NKAIN2: variants seen among roughly 807,000 people sequenced by gnomAD.
The protein encoded by NKAIN2 is sodium/potassium-transporting ATPase subunit beta-1-interacting protein 2.
NKAIN2 carries 14 observed loss-of-function variants against 32.6 expected under a neutral mutation model. That is an observed-to-expected ratio of 0.43 (90% CI 0.28 to 0.67). NKAIN2 has a LOEUF of 0.67. Among genes scored for constraint, NKAIN2 ranks in the 30% least tolerant of loss-of-function variants. NKAIN2 has a pLI of 0.17. For synonymous variants in NKAIN2, 80 were observed against 87.2 expected, an observed-to-expected ratio of 0.92 and a Z score of 0.46; for missense variants, 198 against 258.3, an observed-to-expected ratio of 0.77 and a Z score of 1.60.
At chr6:123,834,248 G>A (rs1419472699) in intron 1 of NKAIN2, among the ~76,000 whole-genome samples, 3 of 152,050 alleles carry the variant, frequency 2.0e-5, no homozygotes, top group Non-Finnish European at 4.4e-5. Flanking sequence ...TCTGCCTCCC[G>A]GGTTCAAGTG....
At chr6:124,689,965 A>C (rs1212316683) in intron 4 of NKAIN2, among the ~76,000 whole-genome samples, 1 of 152,078 alleles carries the variant, frequency 6.6e-6, no homozygotes, top group Non-Finnish European at 1.5e-5. Flanking sequence ...TAAAGATTTG[A>C]ATCTGTTTGT....
At chr6:123,953,081 C>T (rs887841739) in intron 1 of NKAIN2, among the ~76,000 whole-genome samples, 1 of 152,070 alleles carries the variant, frequency 6.6e-6, no homozygotes, top group African/African-American at 2.4e-5. Flanking sequence ...GGGTAGGGCA[C>T]TTTGGCTTTG....
At chr6:124,141,026 CT>C (rs1455292014) in intron 1 of NKAIN2, among the ~76,000 whole-genome samples, 1 of 152,154 alleles carries the variant, frequency 6.6e-6, no homozygotes, top group Non-Finnish European at 1.5e-5. Flanking sequence ...AAGGACAAAA[CT>C]TGTAATGATT....
chr6:124,622,469 T>C (rs774357363), intron 3 of NKAIN2, among the ~76,000 whole-genome samples: 2 of 152,156 alleles, frequency 1.3e-5, no homozygotes, highest in Non-Finnish European at 2.9e-5. Flanking sequence ...AGCCCCAGTG[T>C]TACAATGCTC....
In NKAIN2 at chr6:124,743,429, G is replaced by A. The variant is rs534737334; in HGVS notation, c.475-47910G>A. 3.3e-3 allele frequency among the ~76,000 whole-genome samples: 458 copies of A among 139,196 alleles called. 4 individuals are homozygous for A. Among genetic ancestry groups the A allele is most frequent in the Non-Finnish European group, 4.9e-3 (302 of 61,198 alleles). The allele number at this position is 139,196 out of a possible 152,430, so 91.3% of individuals were successfully genotyped here. On this transcript the variant is annotated intron_variant, in intron 4 of 6. Transcript: ENST00000368417. The stretch of plus-strand genomic sequence containing the variant: ...TTAGTACTTTAATAATTAATAAATC[G>A]ATCATTATTAACATTTTTAAATCAA...
At chr6:124,379,611 C>G (rs902500132) in intron 3 of NKAIN2, among the ~76,000 whole-genome samples, 5 of 151,980 alleles carry the variant, frequency 3.3e-5, no homozygotes, top group Non-Finnish European at 7.4e-5. Flanking sequence ...TGGAAAAGGT[C>G]TAGAAGTGGA....
intron 1 of NKAIN2, among the ~76,000 whole-genome samples, chr6:124,189,571 G>A (rs947486571): frequency 5.9e-5 from 9 of 152,092 alleles, no homozygotes; most frequent in East Asian, 3.9e-4. Flanking sequence ...GTGGTGGCAC[G>A]CACCTGTAGT....
intron 1 of NKAIN2, among the ~76,000 whole-genome samples, chr6:124,080,429 A>G (rs921640118): frequency 1.3e-5 from 2 of 152,040 alleles, no homozygotes. Flanking sequence ...TGTCAGAGAT[A>G]TTTTTAAAGA....
At chr6:124,266,979 A>G (rs28605219) in intron 1 of NKAIN2, among the ~76,000 whole-genome samples, 15 of 152,326 alleles carry the variant, frequency 9.8e-5, no homozygotes, top group African/African-American at 3.6e-4. Context: ...ACGAAGTCCA[A>G]TCTAGTGATA....
intron 3 of NKAIN2, among the ~76,000 whole-genome samples, chr6:124,556,527 G>A (rs975821571): frequency 6.6e-6 from 1 of 152,078 alleles, no homozygotes; most frequent in Non-Finnish European, 1.5e-5. Flanking sequence ...TTATGTTCTT[G>A]CTTCTCCTTT....
At chr6:124,473,552 G>A (rs369405419) in intron 3 of NKAIN2, among the ~76,000 whole-genome samples, 1 of 151,918 alleles carries the variant, frequency 6.6e-6, no homozygotes, top group South Asian at 2.1e-4. Flanking sequence ...TATCTTACTT[G>A]TTGGCACTTT....
intron 1 of NKAIN2, among the ~76,000 whole-genome samples, chr6:123,824,346 G>T (rs144859680): frequency 2.2e-4 from 34 of 152,058 alleles, no homozygotes; most frequent in African/African-American, 8.0e-4. Flanking sequence ...ATTGTAAAGG[G>T]CAGCAAGCCA....
chr6:124,068,791 C>G (rs555604604), intron 1 of NKAIN2, among the ~76,000 whole-genome samples: 1 of 151,394 alleles, frequency 6.6e-6, no homozygotes, highest in Non-Finnish European at 1.5e-5. Context: ...CGTAACTACA[C>G]CATATGTCTT....
At chr6:124,208,797 A>G (rs942915874) in intron 1 of NKAIN2, among the ~76,000 whole-genome samples, 1 of 151,172 alleles carries the variant, frequency 6.6e-6, no homozygotes, top group Non-Finnish European at 1.5e-5. Flanking sequence ...TTGTTTTTCT[A>G]TGCTTTATTT....
chr6:124,760,315 C>T (rs559647705), intron 4 of NKAIN2, among the ~76,000 whole-genome samples: 1 of 150,838 alleles, frequency 6.6e-6, no homozygotes, highest in Admixed American at 6.6e-5. Context: ...AGGCTTAGTA[C>T]CTGGGTGATG....
At chr6:123,914,378 GGA>G (rs1775385379) in intron 1 of NKAIN2, among the ~76,000 whole-genome samples, 1 of 151,828 alleles carries the variant, frequency 6.6e-6, no homozygotes, top group Admixed American at 6.6e-5. Flanking sequence ...GGAGGGAGAA[GGA>G]GAGAGTGTGC....
chr6:124,497,028 C>G (rs1196363958), intron 3 of NKAIN2, among the ~76,000 whole-genome samples: 1 of 152,052 alleles, frequency 6.6e-6, no homozygotes, highest in Admixed American at 6.6e-5. Flanking sequence ...CGGCCAGAAG[C>G]CCACTAACCA....
intron 1 of NKAIN2, among the ~76,000 whole-genome samples, chr6:123,969,679 A>T (rs1168163658): frequency 6.6e-6 from 1 of 152,210 alleles, no homozygotes; most frequent in Non-Finnish European, 1.5e-5. Context: ...AAAAGCTTCA[A>T]CAGAATCCAC....
At chr6:124,537,038 G>A (rs761157448) in intron 3 of NKAIN2, among the ~76,000 whole-genome samples, 67 of 152,148 alleles carry the variant, frequency 4.4e-4, no homozygotes, top group South Asian at 4.1e-4. Context: ...CTGTGACCAC[G>A]TGGAAGGGAA....
Sources: gnomAD v4.1 joint callset for allele counts (sites outside exome capture counted in the v4.1 genomes callset) on GRCh38, gnomAD v4.1.1 for gene constraint, MANE v1.5 for transcripts, NCBI Gene and HGNC (gene_info 2026-07-23, HGNC 2026-07-21) for gene names.